Variants in OLA1 observed in about 807,000 individuals in gnomAD.
OLA1 encodes the protein obg-like ATPase 1.
OLA1 carries 14 observed loss-of-function variants against 48.4 expected under a neutral mutation model. The ratio of observed to expected loss-of-function variants is 0.29; its 90% CI spans 0.19 to 0.45. OLA1 has a LOEUF of 0.45. Ranked by LOEUF, OLA1 falls within the 20% of genes least tolerant of loss-of-function variation. The pLI is 1.00. For synonymous variants in OLA1, 127 were observed against 150.4 expected (o/e 0.84, Z 1.14); for missense variants, 325 against 467.1 (o/e 0.70, Z 2.80).
At chr2:174,099,960 T>C (rs1440135430) in intron 7 of OLA1, among the ~76,000 whole-genome samples, 1 of 152,190 alleles carries the variant, frequency 6.6e-6, no homozygotes, top group African/African-American at 2.4e-5. Context: ...AAACAATATA[T>C]CACTATTTGT....
At chr2:174,217,946 T>C (rs900643101) in intron 4 of OLA1, 5 of 152,176 alleles carry the variant, frequency 3.3e-5, no homozygotes, top group Non-Finnish European at 7.3e-5. Context: ...ATTAGCTATA[T>C]GTGAAGCTTC....
intron 4 of OLA1, among the ~76,000 whole-genome samples, chr2:174,214,967 T>C (rs1035747677): frequency 5.9e-5 from 9 of 151,896 alleles, no homozygotes; most frequent in African/African-American, 2.2e-4. Context: ...AGAGAATTGC[T>C]TGAACCCAGG....
At chr2:174,139,608 T>G (rs955830564) in intron 5 of OLA1, among the ~76,000 whole-genome samples, 1 of 152,224 alleles carries the variant, frequency 6.6e-6, no homozygotes, top group Non-Finnish European at 1.5e-5. Flanking sequence ...GGCTCACGCC[T>G]GTAATTCCAG....
At chr2:174,201,175 G>A (rs1687982596) in intron 4 of OLA1, among the ~76,000 whole-genome samples, 1 of 152,150 alleles carries the variant, frequency 6.6e-6, no homozygotes, top group African/African-American at 2.4e-5. Flanking sequence ...TAAGGTAGAG[G>A]AGACTAAAGG....
chr2:174,176,290 T>C (rs1687418166), intron 4 of OLA1, among the ~76,000 whole-genome samples: 1 of 152,162 alleles, frequency 6.6e-6, no homozygotes, highest in Admixed American at 6.5e-5. Context: ...CATTATAGGC[T>C]GATATGAAAT....
intron 9 of OLA1, among the ~76,000 whole-genome samples, chr2:174,079,618 G>T (rs1451010147): frequency 1.3e-5 from 2 of 151,816 alleles, no homozygotes; most frequent in Non-Finnish European, 2.9e-5. Context: ...TGAACATTTT[G>T]CATAATATTC....
At chr2:174,097,357 A>AGGGGAT (rs1685280685) in intron 7 of OLA1, among the ~76,000 whole-genome samples, 1 of 152,212 alleles carries the variant, frequency 6.6e-6, no homozygotes, top group Non-Finnish European at 1.5e-5. Flanking sequence ...AAAGGAGTGT[A>AGGGGAT]GGGGATGGGA....
chr2:174,226,432 T>A lies in OLA1; in HGVS notation c.245+2876A>T, dbSNP rs555279338. 2.0e-5 allele frequency among the ~76,000 whole-genome samples: 3 copies of A among 152,250 alleles called. No individual in the cohort carries two copies. The East Asian group carries it at 5.8e-4, about 29-fold the overall frequency. ...AAAATGATGTTAAAAATATTTTTAA[T>A]CGCTATACTGTAATGAACACAGACT... On this transcript the variant is annotated intron_variant, in intron 3 of 10. Transcript: ENST00000284719.
intron 4 of OLA1, among the ~76,000 whole-genome samples, chr2:174,193,462 G>A (rs1015038886): frequency 1.3e-5 from 2 of 152,086 alleles, no homozygotes; most frequent in Non-Finnish European, 2.9e-5. Flanking sequence ...ACATCTCATG[G>A]TTTTTTGTTG....
chr2:174,158,242 G>A (rs1393380161), intron 4 of OLA1, among the ~76,000 whole-genome samples: 4 of 152,186 alleles, frequency 2.6e-5, no homozygotes, highest in Non-Finnish European at 5.9e-5. Context: ...AGGACCTTGT[G>A]ACACCCCTTA....
In OLA1 at chr2:174,075,442, T is replaced by G. The variant is rs1684713991; in HGVS notation, c.1175A>C (p.Gln392Pro). Reference protein sequence around the residue: ...IIFFKFNTPQQPKKK With the variant: ...IIFFKFNTPQPPKKK ...AACTAAATTTTATTTCTTCTTCGGTTGTTGAGGTGTGTTAAATTTGAAGAA... is the reference window on the plus strand; with the variant it reads ...AACTAAATTTTATTTCTTCTTCGGTGGTTGAGGTGTGTTAAATTTGAAGAA... The change falls in exon 11 of 11, where the codon CAA becomes CCA. Residue 392 changes from glutamine (Q) to proline (P), a missense_variant. Physicochemically the swap from Gln to Pro is moderately conservative, Grantham distance 76. Coordinates refer to ENST00000284719, the MANE Select transcript of OLA1 (RefSeq NM_013341.5). The G allele has an allele frequency of 1.3e-6, 2 of 1,587,032 alleles. No homozygotes were observed. The highest frequency in any genetic ancestry group is 1.7e-5 in the Admixed American group (1 of 59,814).
chr2:174,205,727 G>A (rs935103729), intron 4 of OLA1, among the ~76,000 whole-genome samples: 2 of 152,214 alleles, frequency 1.3e-5, no homozygotes, highest in African/African-American at 4.8e-5. Context: ...GGACAGCAAA[G>A]ACAGAGTTGG....
At chr2:174,112,302 T>G (rs1685672413) in intron 7 of OLA1, among the ~76,000 whole-genome samples, 1 of 152,198 alleles carries the variant, frequency 6.6e-6, no homozygotes, top group African/African-American at 2.4e-5. Flanking sequence ...TTTGGCCAAG[T>G]TCCTTAATCT....
chr2:174,109,840 TG>T (rs1264576716), intron 7 of OLA1, among the ~76,000 whole-genome samples: 1 of 152,200 alleles, frequency 6.6e-6, no homozygotes, highest in African/African-American at 2.4e-5. Flanking sequence ...ATTTTGGGTT[TG>T]GGGCTACATG....
chr2:174,115,420 C>A (rs1685757860), intron 7 of OLA1, among the ~76,000 whole-genome samples: 1 of 152,078 alleles, frequency 6.6e-6, no homozygotes, highest in South Asian at 2.1e-4. Flanking sequence ...ACTTAGCAAT[C>A]AAAAATATTT....
At chr2:174,217,832 A>G (rs1688401612) in intron 4 of OLA1, 1 of 152,132 alleles carries the variant, frequency 6.6e-6, no homozygotes, top group South Asian at 2.1e-4. Context: ...AGATTCATCC[A>G]TATTATTGTG....
chr2:174,098,128 T>C (rs1685300726), intron 7 of OLA1, among the ~76,000 whole-genome samples: 1 of 152,216 alleles, frequency 6.6e-6, no homozygotes, highest in South Asian at 2.1e-4. Flanking sequence ...TTACAAAGTT[T>C]CAATAGTTTA....
intron 4 of OLA1, among the ~76,000 whole-genome samples, chr2:174,213,605 T>C (rs956666596): frequency 1.3e-5 from 2 of 152,196 alleles, no homozygotes; most frequent in African/African-American, 4.8e-5. Flanking sequence ...GAAGTCATAT[T>C]GGCTCAATGA....
rs1270108517 is a variant in OLA1, at chr2:174,229,420, T to C, written c.133A>G (p.Ser45Gly). The C allele has an allele frequency of 1.9e-6, 3 of 1,613,530 alleles. No individual in the cohort carries two copies. The Admixed American group carries it at 5.0e-5, about 27-fold the overall frequency. The change falls in exon 3 of 11, where the codon AGT becomes GGT. Residue 45 changes from serine to glycine, a missense_variant. By Grantham distance (56) the Ser-to-Gly change is moderately conservative. Transcript: ENST00000284719. Reference protein sequence around the residue: ...KSTFFNVLTNSQASAENFPFC... With the variant: ...KSTFFNVLTNGQASAENFPFC... Reference sequence around the variant, plus strand: ...GGGAAGTTTTCTGCTGAAGCCTGACTATTGGTTAACACATTGAAGAAAGTA... The same window carrying C: ...GGGAAGTTTTCTGCTGAAGCCTGACCATTGGTTAACACATTGAAGAAAGTA...
Sources: allele counts gnomAD v4.1 joint callset (sites outside exome capture counted in the v4.1 genomes callset), GRCh38; gene constraint gnomAD v4.1.1; transcripts MANE v1.5; gene names NCBI Gene and HGNC (gene_info 2026-07-23, HGNC 2026-07-21).